The following PDE1A variants were observed in gnomAD, a reference collection of about 807,000 sequenced individuals.
PDE1A encodes phosphodiesterase 1A.
PDE1A carries 35 observed loss-of-function variants against 61.7 expected under a neutral mutation model. That is an observed-to-expected ratio of 0.57 (90% CI 0.43 to 0.75). The LOEUF (loss-of-function observed/expected upper bound fraction) is 0.75, where lower values mean the gene tolerates loss of function less well. PDE1A is among the 30% of genes least tolerant of loss of function. The pLI, the probability that PDE1A is intolerant of heterozygous loss-of-function variation, is 0.00. For synonymous variants in PDE1A, 232 were observed against 213.2 expected, an observed-to-expected ratio of 1.09 and a Z score of -0.77; for missense variants, 597 against 630.6, an observed-to-expected ratio of 0.95 and a Z score of 0.57.
intron 2 of PDE1A, among the ~76,000 whole-genome samples, chr2:182,451,592 A>C (rs888667121): frequency 1.2e-4 from 18 of 152,010 alleles, no homozygotes; most frequent in Non-Finnish European, 1.5e-5. Context: ...ATTAATCTGA[A>C]ATTTATTATA....
At chr2:182,657,944 T>C in the PDE1A span, among the ~76,000 whole-genome samples, 1 of 144,940 alleles carries the variant, frequency 6.9e-6, no homozygotes, top group East Asian at 2.1e-4. Flanking sequence ...GTTTTGTAGC[T>C]ATAAAATGGG....
chr2:182,323,454 G>A (rs1696831238), intron 1 of PDE1A, among the ~76,000 whole-genome samples: 1 of 152,178 alleles, frequency 6.6e-6, no homozygotes, highest in African/African-American at 2.4e-5. Flanking sequence ...AGAGGGAAGA[G>A]AGAGACTATT....
At chr2:182,449,756 C>T (rs1043944695) in intron 2 of PDE1A, among the ~76,000 whole-genome samples, 6 of 152,044 alleles carry the variant, frequency 3.9e-5, no homozygotes, top group Admixed American at 3.3e-4. Context: ...ACATTACCTA[C>T]TAGCTATTCA....
At chr2:182,704,376 G>A in the PDE1A span, among the ~76,000 whole-genome samples, 2 of 152,092 alleles carry the variant, frequency 1.3e-5, no homozygotes, top group African/African-American at 4.8e-5. Flanking sequence ...AATTGATCTG[G>A]CAGTGAATCT....
At chr2:182,317,838 T>G (rs550729680) in intron 1 of PDE1A, among the ~76,000 whole-genome samples, 2 of 152,200 alleles carry the variant, frequency 1.3e-5, no homozygotes, top group South Asian at 4.2e-4. Context: ...GAGCAAGAGT[T>G]AGAAGGAGAA....
chr2:182,341,692 C>A (rs1231849502), intron 1 of PDE1A, among the ~76,000 whole-genome samples: 1 of 152,178 alleles, frequency 6.6e-6, no homozygotes, highest in Non-Finnish European at 1.5e-5. Flanking sequence ...GCTATTCTTA[C>A]TCTGGTGCTT....
chr2:182,336,815 A>T, intron 1 of PDE1A, among the ~76,000 whole-genome samples: 1 of 151,946 alleles, frequency 6.6e-6, no homozygotes, highest in Non-Finnish European at 1.5e-5. Flanking sequence ...ACACATGGAC[A>T]CAGAGAGGGG....
the PDE1A span, among the ~76,000 whole-genome samples, chr2:182,540,246 C>G: frequency 6.6e-6 from 1 of 151,778 alleles, no homozygotes; most frequent in Non-Finnish European, 1.5e-5. Context: ...CCCCTGTAAT[C>G]CCAGCTACTC....
the PDE1A span, among the ~76,000 whole-genome samples, chr2:182,584,479 C>T: frequency 2.0e-5 from 3 of 152,174 alleles, no homozygotes; most frequent in African/African-American, 4.8e-5. Context: ...GATTCAGATT[C>T]CCTGTCTTTA....
intron 13 of PDE1A, among the ~76,000 whole-genome samples, chr2:182,176,845 T>C (rs999963413): frequency 6.6e-6 from 1 of 150,926 alleles, no homozygotes; most frequent in African/African-American, 2.4e-5. Flanking sequence ...CTCTTATTAT[T>C]TTGAAATACG....
chr2:182,568,090 C>T, the PDE1A span, among the ~76,000 whole-genome samples: 2 of 152,022 alleles, frequency 1.3e-5, no homozygotes, highest in African/African-American at 2.4e-5. Context: ...CAAGTCACTG[C>T]GCCCGCGCCC....
chr2:182,474,249 T>C (rs1022996154), intron 2 of PDE1A, among the ~76,000 whole-genome samples: 2 of 152,004 alleles, frequency 1.3e-5, no homozygotes, highest in African/African-American at 4.8e-5. Context: ...AAAGTTTTAC[T>C]CTTTCGCTTC....
intron 1 of PDE1A, among the ~76,000 whole-genome samples, chr2:182,294,525 T>C (rs1228678870): frequency 3.9e-5 from 6 of 152,150 alleles, no homozygotes; most frequent in Non-Finnish European, 8.8e-5. Context: ...TACGTAGACA[T>C]TGACAATGCT....
At chr2:182,386,127 G>A (rs188380871) in intron 1 of PDE1A, among the ~76,000 whole-genome samples, 39 of 152,290 alleles carry the variant, frequency 2.6e-4, no homozygotes, top group Admixed American at 5.9e-4. Flanking sequence ...GATTGCGGAC[G>A]GAGTCTCGTT....
chr2:182,585,773 G>T, the PDE1A span, among the ~76,000 whole-genome samples: 17 of 152,268 alleles, frequency 1.1e-4, no homozygotes, highest in African/African-American at 3.4e-4. Flanking sequence ...CAGTAAGTCT[G>T]ATTAGTAATC....
At chr2:182,716,678 C>G in the PDE1A span, among the ~76,000 whole-genome samples, 1 of 152,222 alleles carries the variant, frequency 6.6e-6, no homozygotes, top group East Asian at 1.9e-4. Context: ...GCGATTCCCT[C>G]TCAGTTACTT....
intron 1 of PDE1A, among the ~76,000 whole-genome samples, chr2:182,337,980 T>C (rs1445120614): frequency 3.9e-5 from 6 of 152,350 alleles, no homozygotes; most frequent in Admixed American, 3.9e-4. Flanking sequence ...CATAGGTATG[T>C]TCCTACTGGA....
At chr2:182,297,481 A>G (rs1218266981) in intron 1 of PDE1A, among the ~76,000 whole-genome samples, 1 of 152,242 alleles carries the variant, frequency 6.6e-6, no homozygotes, top group Admixed American at 6.5e-5. Context: ...CTTTTAAGTA[A>G]GTGAAAACTA....
At chr2:182,320,627 G>A (rs1418277175) in intron 1 of PDE1A, among the ~76,000 whole-genome samples, 1 of 152,082 alleles carries the variant, frequency 6.6e-6, no homozygotes, top group Non-Finnish European at 1.5e-5. Context: ...GCTCTTTTCA[G>A]GACTCAATAC....
Sources: gnomAD v4.1 joint callset for allele counts (sites outside exome capture counted in the v4.1 genomes callset) on GRCh38, gnomAD v4.1.1 for gene constraint, MANE v1.5 for transcripts, NCBI Gene and HGNC (gene_info 2026-07-23, HGNC 2026-07-21) for gene names.